The following PCTP variants were observed in gnomAD, a reference collection of about 807,000 sequenced individuals.
PCTP encodes START domain-containing protein 2.
A neutral mutation model predicts 31.0 loss-of-function variants in PCTP; 27 were observed. The observed-to-expected ratio is 0.87, with a 90% CI of 0.64 to 1.20. PCTP has a LOEUF of 1.20. Among genes scored for constraint, PCTP ranks in the 50% most tolerant of loss-of-function variants. The pLI, the probability that PCTP is intolerant of heterozygous loss-of-function variation, is 0.00. For synonymous variants in PCTP, 108 were observed against 101.2 expected (o/e 1.07, Z -0.40); for missense variants, 287 against 268.2 (o/e 1.07, Z -0.49).
chr17:55,804,856 T>C (rs1912525908), intron 3 of PCTP, among the ~76,000 whole-genome samples: 1 of 152,036 alleles, frequency 6.6e-6, no homozygotes, highest in Non-Finnish European at 1.5e-5. Flanking sequence ...GAACTTAAAA[T>C]TTAATAAAAA....
chr17:55,753,498 C>T (rs1235256938), intron 1 of PCTP, among the ~76,000 whole-genome samples: 2 of 152,268 alleles, frequency 1.3e-5, no homozygotes, highest in Admixed American at 1.3e-4. Flanking sequence ...CACCTTTTTA[C>T]CTATATATAA....
downstream of PCTP, among the ~76,000 whole-genome samples, chr17:55,779,063 C>A (rs574017547): frequency 2.6e-5 from 4 of 152,196 alleles, no homozygotes; most frequent in African/African-American, 9.6e-5. Context: ...AGGAAGAGCC[C>A]CATTCAGTTC....
chr17:55,843,955 C>G (rs999057595), downstream of PCTP, among the ~76,000 whole-genome samples: 1 of 152,060 alleles, frequency 6.6e-6, no homozygotes, highest in Admixed American at 6.6e-5. Context: ...AAAGTTATAA[C>G]TATTATTTTA....
At chr17:55,775,547 A>T in intron 5 of PCTP, 1 of 1,174,188 alleles carries the variant, frequency 8.5e-7, no homozygotes, top group East Asian at 3.2e-5. Flanking sequence ...TTTAAAAATG[A>T]AGATAGATGT....
intron 3 of PCTP, among the ~76,000 whole-genome samples, chr17:55,820,679 TACA>T (rs1228078629): frequency 2.0e-5 from 3 of 152,098 alleles, no homozygotes; most frequent in African/African-American, 7.2e-5. Flanking sequence ...AAAGAAATGA[TACA>T]ACAAGAGACA....
At chr17:55,814,928 C>T (rs1042699636) in intron 3 of PCTP, among the ~76,000 whole-genome samples, 3 of 152,138 alleles carry the variant, frequency 2.0e-5, no homozygotes, top group Non-Finnish European at 4.4e-5. Flanking sequence ...TTTTACTGAA[C>T]CCTCAGCTCA....
chr17:55,822,462 C>T (rs1427982103), intron 3 of PCTP, among the ~76,000 whole-genome samples: 3 of 152,060 alleles, frequency 2.0e-5, no homozygotes, highest in Admixed American at 1.3e-4. Flanking sequence ...GCATGGTTAC[C>T]CTTTTGTGGG....
intron 1 of PCTP, among the ~76,000 whole-genome samples, chr17:55,759,977 T>C (rs1296852014): frequency 6.6e-6 from 1 of 152,238 alleles, no homozygotes; most frequent in Non-Finnish European, 1.5e-5. Context: ...GTAAATATAA[T>C]TGAAAACAAA....
downstream of PCTP, among the ~76,000 whole-genome samples, chr17:55,845,735 C>G (rs147578961): frequency 0.017 from 2,543 of 152,206 alleles, 59 homozygotes; most frequent in African/African-American, 0.057. Context: ...CCCGGGACCC[C>G]GGGCGTGTGA....
intron 1 of PCTP, among the ~76,000 whole-genome samples, chr17:55,765,720 G>C (rs894788372): frequency 6.6e-6 from 1 of 152,176 alleles, no homozygotes; most frequent in African/African-American, 2.4e-5. Context: ...TCATCCCTCT[G>C]TTTAAAGCCA....
chr17:55,829,304 T>TTTTG (rs946330033), intron 5 of PCTP, among the ~76,000 whole-genome samples: 1 of 152,008 alleles, frequency 6.6e-6, no homozygotes, highest in African/African-American at 2.4e-5. Flanking sequence ...ACTGTGTGAT[T>TTTTG]TTTGTTTGTT....
At chr17:55,762,581 C>T (rs1910397206) in intron 1 of PCTP, among the ~76,000 whole-genome samples, 1 of 152,076 alleles carries the variant, frequency 6.6e-6, no homozygotes, top group South Asian at 2.1e-4. Context: ...CAATCAATGA[C>T]AAACAGAGGC....
At chr17:55,819,458 A>G (rs962453445) in intron 3 of PCTP, among the ~76,000 whole-genome samples, 1 of 152,216 alleles carries the variant, frequency 6.6e-6, no homozygotes, top group African/African-American at 2.4e-5. Flanking sequence ...AAAATTTACT[A>G]CAGGCCGGGT....
At chr17:55,768,412 G>A (rs768618980) in intron 2 of PCTP, among the ~76,000 whole-genome samples, 1 of 152,186 alleles carries the variant, frequency 6.6e-6, no homozygotes, top group Non-Finnish European at 1.5e-5. Flanking sequence ...AAGAATACAT[G>A]TATGTGAGGA....
At chr17:55,773,660 T>A in intron 3 of PCTP, 64 bp from the exon 4 acceptor site, 1 of 1,498,582 alleles carries the variant, frequency 6.7e-7, no homozygotes. Flanking sequence ...TTCCAGCTTG[T>A]GGCGCTTTCC....
intron 3 of PCTP, among the ~76,000 whole-genome samples, chr17:55,810,300 A>C (rs1351505871): frequency 6.6e-6 from 1 of 152,212 alleles, no homozygotes; most frequent in Non-Finnish European, 1.5e-5. Context: ...TATAGGCTTG[A>C]GCCATGGTGC....
chr17:55,823,091 C>T, downstream of PCTP: 1 of 242,012 alleles, frequency 4.1e-6, no homozygotes, highest in Non-Finnish European at 7.9e-6. Context: ...ATTACCTGCC[C>T]TCTTGGAGCT....
At chr17:55,770,349 T>A (rs1221768231) in intron 2 of PCTP, 3 of 152,188 alleles carry the variant, frequency 2.0e-5, no homozygotes, top group Non-Finnish European at 4.4e-5. Flanking sequence ...ATCCGACCTA[T>A]GAATGTGCTA....
At chr17:55,850,439 C>A in the PCTP span, among the ~76,000 whole-genome samples, 4,130 of 152,210 alleles carry the variant, frequency 0.027, 173 homozygotes, top group African/African-American at 0.089. Context: ...TTTGCTTAAA[C>A]TTTCTGTATT....
Sources: allele counts gnomAD v4.1 joint callset (sites outside exome capture counted in the v4.1 genomes callset), GRCh38; gene constraint gnomAD v4.1.1; transcripts MANE v1.5; gene names NCBI Gene and HGNC (gene_info 2026-07-23, HGNC 2026-07-21).